The following RGPD6 variants were observed in gnomAD, a reference collection of about 807,000 sequenced individuals.
The protein encoded by RGPD6 is RANBP2 like and GRIP domain containing 6.
chr2:110,605,545 G>T, the RGPD6 span, among the ~76,000 whole-genome samples: 6 of 151,312 alleles, frequency 4.0e-5, no homozygotes, highest in African/African-American at 1.5e-4. Flanking sequence ...TACTGCAGCT[G>T]GAGGAAAGGG....
At chr2:110,607,310 G>A in the RGPD6 span, among the ~76,000 whole-genome samples, 3 of 151,614 alleles carry the variant, frequency 2.0e-5, no homozygotes, top group African/African-American at 7.3e-5. Flanking sequence ...AAGTTCTCCA[G>A]TCTTGCTTCA....
chr2:110,576,891 GCCCCCCCCCTCC>G, intron 1 of RGPD6, 50 bp downstream of exon 1: 2 of 693,358 alleles, frequency 2.9e-6, no homozygotes, highest in Admixed American at 9.4e-5. Flanking sequence ...CGCCGCCGCC[GCCCCCCCCCTCC>G]CCCCCCGGCC....
At chr2:110,607,465 G>GT in the RGPD6 span, among the ~76,000 whole-genome samples, 1 of 148,280 alleles carries the variant, frequency 6.7e-6, no homozygotes, top group African/African-American at 2.5e-5. Flanking sequence ...ATGTTTCTGA[G>GT]TGGCAGGAAG....
the RGPD6 span, among the ~76,000 whole-genome samples, chr2:110,605,160 TC>T: frequency 6.6e-6 from 1 of 151,964 alleles, no homozygotes; most frequent in East Asian, 1.9e-4. Context: ...GCTGAGCTCC[TC>T]CACAGCGGAT....
chr2:110,609,747 AAC>A, the RGPD6 span, among the ~76,000 whole-genome samples: 4 of 123,008 alleles, frequency 3.3e-5, no homozygotes, highest in African/African-American at 1.3e-4. Context: ...TATTAAACAT[AAC>A]ACAAGTTCCT....
chr2:110,600,811 G>C, the RGPD6 span, among the ~76,000 whole-genome samples: 4 of 101,024 alleles, frequency 4.0e-5, no homozygotes, highest in Non-Finnish European at 2.2e-5. Context: ...GTTAGCAATG[G>C]GGAGCAGCTG....
the RGPD6 span, among the ~76,000 whole-genome samples, chr2:110,589,386 C>A: frequency 2.0e-5 from 3 of 151,986 alleles, no homozygotes; most frequent in Admixed American, 6.5e-5. Flanking sequence ...TGAAATAAAA[C>A]GGCTCTTAAA....
chr2:110,605,137 G>A, the RGPD6 span, among the ~76,000 whole-genome samples: 9 of 152,082 alleles, frequency 5.9e-5, no homozygotes, highest in African/African-American at 1.9e-4. Context: ...TCCAAAACAC[G>A]CCCCACACGA....
At chr2:110,610,667 G>T in the RGPD6 span, among the ~76,000 whole-genome samples, 2 of 136,258 alleles carry the variant, frequency 1.5e-5, no homozygotes, top group Admixed American at 1.4e-4. Context: ...CGCCGCGGCC[G>T]CCCCTCGCCG....
At chr2:110,576,901 T>TCCC (rs1229787659) in intron 1 of RGPD6, 52 bp downstream of exon 1, 1 of 16,338 alleles carries the variant, frequency 6.1e-5, no homozygotes, top group African/African-American at 3.5e-4. Flanking sequence ...GCCCCCCCCC[T>TCCC]CCCCCCCCGG....
the RGPD6 span, among the ~76,000 whole-genome samples, chr2:110,600,116 A>G: frequency 3.3e-5 from 5 of 150,432 alleles, no homozygotes; most frequent in Admixed American, 1.3e-4. Context: ...ACTGGTGCTC[A>G]GGCAGAACGG....
the RGPD6 span, among the ~76,000 whole-genome samples, chr2:110,593,098 G>T: frequency 6.8e-6 from 1 of 148,086 alleles, no homozygotes; most frequent in African/African-American, 2.6e-5. Flanking sequence ...CATTTATAAA[G>T]GACTTAATAG....
chr2:110,605,069 A>G, the RGPD6 span, among the ~76,000 whole-genome samples: 82 of 151,520 alleles, frequency 5.4e-4, no homozygotes, highest in Admixed American at 1.4e-3. Flanking sequence ...GCCCCAGCCC[A>G]GCTGGAGTCC....
chr2:110,596,205 A>AT, the RGPD6 span, among the ~76,000 whole-genome samples: 1 of 85,526 alleles, frequency 1.2e-5, no homozygotes, highest in Non-Finnish European at 2.3e-5. Flanking sequence ...ATTCTCTAAG[A>AT]TTTTTTAAAA....
the RGPD6 span, among the ~76,000 whole-genome samples, chr2:110,605,186 C>A: frequency 6.6e-6 from 1 of 151,898 alleles, no homozygotes; most frequent in African/African-American, 2.4e-5. Context: ...CACTCCACTG[C>A]TTCCCATCGA....
At chr2:110,598,851 TAGAA>T in the RGPD6 span, among the ~76,000 whole-genome samples, 1 of 124,768 alleles carries the variant, frequency 8.0e-6, no homozygotes, top group Admixed American at 8.1e-5. Context: ...TTGAGCTCCT[TAGAA>T]AGCCATGCAA....
At chr2:110,596,930 A>T in the RGPD6 span, among the ~76,000 whole-genome samples, 26 of 130,788 alleles carry the variant, frequency 2.0e-4, 3 homozygotes, top group African/African-American at 8.1e-4. Flanking sequence ...ATATATATAT[A>T]TTATATATAT....
At chr2:110,601,605 T>G in the RGPD6 span, among the ~76,000 whole-genome samples, 1 of 147,768 alleles carries the variant, frequency 6.8e-6, no homozygotes, top group Non-Finnish European at 1.5e-5. Flanking sequence ...GGCAACTGTT[T>G]TCCTCTCTCC....
chr2:110,600,028 T>C, the RGPD6 span, among the ~76,000 whole-genome samples: 1 of 152,076 alleles, frequency 6.6e-6, no homozygotes, highest in Non-Finnish European at 1.5e-5. Context: ...CACGTAGACA[T>C]GCTTCTGCGA....
Sources: allele counts gnomAD v4.1 joint callset (sites outside exome capture counted in the v4.1 genomes callset), GRCh38; gene constraint gnomAD v4.1.1; transcripts MANE v1.5; gene names NCBI Gene and HGNC (gene_info 2026-07-23, HGNC 2026-07-21).